Variants in PTPRN2 observed in about 807,000 individuals in gnomAD.
PTPRN2 encodes protein tyrosine phosphatase receptor type N2.
In PTPRN2, 74 loss-of-function variants were observed where a neutral mutation model predicts 118.8. The observed-to-expected ratio is 0.62, with a 90% CI of 0.52 to 0.76. PTPRN2 has a LOEUF of 0.76. Ranked by LOEUF, PTPRN2 falls within the 30% of genes least tolerant of loss-of-function variation. PTPRN2 has a pLI of 0.00. For synonymous variants in PTPRN2, 641 were observed against 608.0 expected, an observed-to-expected ratio of 1.05 and a Z score of -0.80; for missense variants, 1,481 against 1,394.4, an observed-to-expected ratio of 1.06 and a Z score of -0.99.
In PTPRN2 at chr7:157,977,049, T is replaced by G. The variant is rs1454470286; in HGVS notation, c.1724-78312A>C. ...AAAGCCATAAACACAGTAGTTTCCA[T>G]GAAAAACTATGAGTAGGTATGGAAA... On this transcript the variant is annotated intron_variant, in intron 11 of 22. Transcript: ENST00000389418. The surrounding 1 kb of genome is among the most constrained non-coding windows in gnomAD (Gnocchi z 4.6). Among the ~76,000 whole-genome samples the G allele has an allele frequency of 6.6e-6, 1 of 151,872 alleles. No homozygotes were observed. The highest frequency in any genetic ancestry group is 1.5e-5 in the Non-Finnish European group (1 of 67,944).
chr7:158,333,402 C>A (rs541713659), intron 2 of PTPRN2, among the ~76,000 whole-genome samples: 1 of 145,450 alleles, frequency 6.9e-6, no homozygotes, highest in Non-Finnish European at 1.5e-5. Flanking sequence ...CACCTGCAGA[C>A]GTCACTCACA....
chr7:157,739,093 C>G (rs868504), intron 12 of PTPRN2: 77,724 of 152,034 alleles, frequency 0.51, 20,290 homozygotes, highest in Non-Finnish European at 0.56. Flanking sequence ...ATCTCTGTGA[C>G]ATAGGGAGAC....
chr7:157,871,615 T>G (rs978337297), intron 12 of PTPRN2, among the ~76,000 whole-genome samples: 3 of 151,306 alleles, frequency 2.0e-5, no homozygotes, highest in Non-Finnish European at 4.4e-5. Flanking sequence ...CCTCCTTTTA[T>G]TTTTTTTTGT....
chr7:157,881,509 C>A lies in PTPRN2; in HGVS notation c.1788+17164G>T, dbSNP rs1041776698. ...AGCAATAAAGGTTTGTGACTGAAGC[C>A]CCCCACTCTGCAGTATTCTGTTGTG... is the stretch of plus-strand genomic sequence containing the variant. On this transcript the variant is annotated intron_variant, in intron 12 of 22. Coordinates refer to ENST00000389418, the MANE Select transcript of PTPRN2 (RefSeq NM_002847.5). The surrounding 1 kb of genome is among the most constrained non-coding windows in gnomAD (Gnocchi z 4.7). Among the ~76,000 whole-genome samples the A allele has an allele frequency of 1.3e-5, 2 of 152,052 alleles. No individual in the cohort carries two copies. The highest frequency in any genetic ancestry group is 2.9e-5 in the Non-Finnish European group (2 of 68,014).
In PTPRN2 at chr7:157,576,615, G is replaced by GC; in HGVS notation, c.2780dup (p.Arg928GlnfsTer20). On this transcript the variant is annotated frameshift_variant, in exon 19 of 23. Coordinates refer to ENST00000389418, the MANE Select transcript of PTPRN2 (RefSeq NM_002847.5). LOFTEE classifies it high-confidence loss of function. ...TGCCGGCGGGCCGCGCGTCATACCTGCGGAAGTCCAGGAGGGACCTTGAGG... is the reference window on the plus strand; with the variant it reads ...TGCCGGCGGGCCGCGCGTCATACCTGCCGGAAGTCCAGGAGGGACCTTGAGG... 6.2e-7 allele frequency: 1 copy of GC among 1,609,594 alleles called. No individual in the cohort carries two copies. Among genetic ancestry groups the GC allele is most frequent in the Non-Finnish European group, 8.5e-7 (1 of 1,177,656 alleles).
At chr7:157,724,140 G>A (rs1799398739) in intron 12 of PTPRN2, among the ~76,000 whole-genome samples, 1 of 151,794 alleles carries the variant, frequency 6.6e-6, no homozygotes, top group Admixed American at 6.6e-5. Context: ...TGGTGTATCT[G>A]GAATTTAGGC....
chr7:158,317,827 C>T (rs1802464120), intron 2 of PTPRN2, among the ~76,000 whole-genome samples: 1 of 152,190 alleles, frequency 6.6e-6, no homozygotes, highest in African/African-American at 2.4e-5. Flanking sequence ...AACACATTTG[C>T]CCAGGGCCAG....
At chr7:158,434,899 A>T (rs557451454) in intron 2 of PTPRN2, among the ~76,000 whole-genome samples, 1 of 152,226 alleles carries the variant, frequency 6.6e-6, no homozygotes, top group Non-Finnish European at 1.5e-5. Context: ...GGATACACAC[A>T]TGCACATAAC....
intron 13 of PTPRN2, among the ~76,000 whole-genome samples, chr7:157,673,441 C>T (rs1427176101): frequency 6.6e-6 from 1 of 152,238 alleles, no homozygotes; most frequent in Non-Finnish European, 1.5e-5. Flanking sequence ...CACTATTCTG[C>T]AGCCCCCATG....
chr7:158,366,612 C>G (rs979936817), intron 2 of PTPRN2, among the ~76,000 whole-genome samples: 1 of 141,426 alleles, frequency 7.1e-6, no homozygotes, highest in Non-Finnish European at 1.6e-5. Context: ...CCCGGCAGCC[C>G]CTCCATCCAC....
At position 158,565,751 on chromosome 7, in the gene PTPRN2, A is replaced by G. The variant is rs1023032887; in HGVS notation, c.112+21807T>C. Among the ~76,000 whole-genome samples the G allele has an allele frequency of 3.3e-5, 5 of 152,220 alleles. No homozygotes were observed. Among genetic ancestry groups the G allele is most frequent in the African/African-American group, 1.2e-4 (5 of 41,460 alleles). ...CAAGCCCCCCAGGAACCCTGGAGGC[A>G]GGCACTGTTCCCGTAGTTACCCGCA... On this transcript the variant is annotated intron_variant, in intron 1 of 22. Coordinates refer to ENST00000389418, the MANE Select transcript of PTPRN2 (RefSeq NM_002847.5). This position sits in a 1 kb window ranked among gnomAD's most constrained non-coding sequence, Gnocchi z 4.6.
intron 18 of PTPRN2, among the ~76,000 whole-genome samples, 163 bp downstream of exon 18, chr7:157,577,858 C>A (rs1366461685): frequency 2.0e-5 from 3 of 152,028 alleles, no homozygotes; most frequent in Non-Finnish European, 2.9e-5. Flanking sequence ...TCCCTGCATG[C>A]GGCCCTCGGG....
At chr7:158,261,238 A>G (rs985706257) in intron 3 of PTPRN2, among the ~76,000 whole-genome samples, 1 of 152,162 alleles carries the variant, frequency 6.6e-6, no homozygotes, top group Non-Finnish European at 1.5e-5. Flanking sequence ...GCCTGCATGC[A>G]GACAAGCAGG....
intron 12 of PTPRN2, among the ~76,000 whole-genome samples, chr7:157,770,703 C>T (rs1010852600): frequency 9.9e-5 from 15 of 152,230 alleles, no homozygotes; most frequent in South Asian, 2.1e-4. Flanking sequence ...CTCGGGTAGA[C>T]GGACATCCTC....
At chr7:158,097,700 G>T (rs767601089) in intron 10 of PTPRN2, among the ~76,000 whole-genome samples, 2 of 152,220 alleles carry the variant, frequency 1.3e-5, no homozygotes, top group Non-Finnish European at 2.9e-5. Flanking sequence ...CAATCACGTC[G>T]TAAAAACCCG....
At chr7:158,072,464 C>T (rs969164354) in intron 11 of PTPRN2, among the ~76,000 whole-genome samples, 4 of 152,126 alleles carry the variant, frequency 2.6e-5, no homozygotes, top group African/African-American at 9.7e-5. Flanking sequence ...CAGGTGTTGA[C>T]CAGGTAAGAC....
At chr7:158,412,717 C>T (rs1814250692) in intron 2 of PTPRN2, among the ~76,000 whole-genome samples, 1 of 140,246 alleles carries the variant, frequency 7.1e-6, no homozygotes, top group Non-Finnish European at 1.5e-5. Flanking sequence ...AGCTCCAGGG[C>T]CCATCCAGCG....
At position 157,608,623 on chromosome 7, in the gene PTPRN2, C is replaced by CA. The variant is rs1802146569; in HGVS notation, c.2345-4549dup. Among the ~76,000 whole-genome samples, 3 of 152,190 alleles carry CA rather than the reference C, an allele frequency of 2.0e-5. No individual in the cohort carries two copies. The South Asian group carries it at 6.2e-4, about 32-fold the overall frequency. On this transcript the variant is annotated intron_variant, in intron 15 of 22. Transcript: ENST00000389418. ...TCCAGTTCCCGAGTCCCCTAAAGGG[C>CA]AGTTTCCTTGACGTGCGAGGCCTGT...
intron 15 of PTPRN2, among the ~76,000 whole-genome samples, chr7:157,607,871 G>T (rs1274762007): frequency 2.0e-5 from 3 of 152,052 alleles, no homozygotes; most frequent in Admixed American, 6.5e-5. Flanking sequence ...TCTGCCATGG[G>T]CACCTGAGCC....
Sources: gnomAD v4.1 joint callset for allele counts (sites outside exome capture counted in the v4.1 genomes callset) on GRCh38, gnomAD v4.1.1 for gene constraint, Gnocchi (gnomAD v3.1) non-coding constraint, MANE v1.5 for transcripts, NCBI Gene and HGNC (gene_info 2026-07-23, HGNC 2026-07-21) for gene names.